The following PAK4 variants were observed in gnomAD, a reference collection of about 807,000 sequenced individuals.
PAK4 encodes the protein p21 (RAC1) activated kinase 4, also known as serine/threonine-protein kinase PAK 4.
A neutral mutation model predicts 53.5 loss-of-function variants in PAK4; 49 were observed. That is an observed-to-expected ratio of 0.92 (90% CI 0.73 to 1.16). The LOEUF (loss-of-function observed/expected upper bound fraction) is 1.16, where lower values mean the gene tolerates loss of function less well. Among genes scored for constraint, PAK4 ranks in the 50% most tolerant of loss-of-function variants. PAK4 has a pLI of 0.00. For missense variants in PAK4, 824 were observed against 850.7 expected (o/e 0.97, Z 0.39); for synonymous variants, 376 against 375.6 (o/e 1.00, Z -0.01).
At chr19:39,130,084 CGGG>C (rs2073671930) in intron 1 of PAK4, among the ~76,000 whole-genome samples, 1 of 88,714 alleles carries the variant, frequency 1.1e-5, no homozygotes, top group African/African-American at 4.2e-5. Flanking sequence ...AGGGTCAGGG[CGGG>C]ATGTGGGGGG....
At chr19:39,182,456 A>G (rs1477785361), downstream of PAK4, 1 of 152,266 alleles carries the variant, frequency 6.6e-6, no homozygotes, top group African/African-American at 2.4e-5. Flanking sequence ...ATTTAGTGAC[A>G]GAACAGAGAA....
rs1479343889 is a variant in PAK4 at position 39,169,798 on chromosome 19, C to A, written c.204+41C>A. On this transcript the variant is annotated intron_variant, in intron 2 of 8. Coordinates refer to ENST00000358301, the Ensembl canonical transcript of PAK4. ...CACCACCTCCCCCAGCCCACCCCAACCCCCGAGTGGCCCTGGCCCTCAACC... is the reference window on the plus strand; with the variant it reads ...CACCACCTCCCCCAGCCCACCCCAAACCCCGAGTGGCCCTGGCCCTCAACC... The A allele has an allele frequency of 4.3e-6, 6 of 1,397,944 alleles. No individual in the cohort carries two copies. In the Admixed American group the frequency reaches 1.0e-4, roughly 24 times the overall value. The allele number at this position is 1,397,944 out of a possible 1,614,324, so 86.6% of individuals were successfully genotyped here.
At chr19:39,177,501 C>T (rs539851370) in intron 7 of PAK4, among the ~76,000 whole-genome samples, 174 bp from the exon 9 acceptor site, 5 of 152,084 alleles carry the variant, frequency 3.3e-5, no homozygotes, top group Non-Finnish European at 4.4e-5. Context: ...TTGAGGGGCT[C>T]CCTGGAGGAC....
intron 1 of PAK4, among the ~76,000 whole-genome samples, chr19:39,159,252 A>G (rs1442972711): frequency 6.6e-6 from 1 of 152,186 alleles, no homozygotes; most frequent in Non-Finnish European, 1.5e-5. Context: ...TGCTGAGGAC[A>G]AAGCAGTGGC....
At chr19:39,159,005 A>G (rs947908999) in intron 1 of PAK4, among the ~76,000 whole-genome samples, 5 of 152,230 alleles carry the variant, frequency 3.3e-5, no homozygotes, top group Non-Finnish European at 2.9e-5. Flanking sequence ...CCCACTCGGC[A>G]CCAGTCACTG....
chr19:39,152,706 G>C (rs1419243773), intron 1 of PAK4, among the ~76,000 whole-genome samples: 1 of 152,166 alleles, frequency 6.6e-6, no homozygotes, highest in Non-Finnish European at 1.5e-5. Flanking sequence ...TACGTTTGGG[G>C]GGGTGGAAGA....
Position 39,173,473 on chromosome 19 carries a change from T to G in PAK4, c.663+97T>G, listed in dbSNP as rs2074531413. 4 of 1,326,242 alleles carry G rather than the reference T, an allele frequency of 3.0e-6. No individual in the cohort carries two copies. Among genetic ancestry groups the G allele is most frequent in the Non-Finnish European group, 4.1e-6 (4 of 976,956 alleles). The allele number at this position is 1,326,242 out of a possible 1,614,324, so 82.2% of individuals were successfully genotyped here. On this transcript the variant is annotated intron_variant, in intron 3 of 8. Transcript: ENST00000358301. The surrounding 1 kb of genome is among the most constrained non-coding windows in gnomAD (Gnocchi z 6.9). Reference sequence around the variant, plus strand: ...CGCCCCACCACCGTGCATCTCATCCTGACCACCCATGTGTCTGTCCCATCG... The same window carrying G: ...CGCCCCACCACCGTGCATCTCATCCGGACCACCCATGTGTCTGTCCCATCG...
At chr19:39,179,867 G>T (rs550094021), downstream of PAK4, 4 of 152,366 alleles carry the variant, frequency 2.6e-5, no homozygotes, top group African/African-American at 9.6e-5. Flanking sequence ...CCACGCAGGA[G>T]CCCAGAGCCG....
At chr19:39,176,567 C>T (rs1224516267) in intron 6 of PAK4, 23 bp from the exon 8 acceptor site, 2 of 1,613,432 alleles carry the variant, frequency 1.2e-6, no homozygotes, top group East Asian at 2.2e-5. Flanking sequence ...TCCTCTGACC[C>T]CACTGCCTCT....
downstream of PAK4, chr19:39,181,985 A>C (rs1213099138): frequency 1.3e-5 from 2 of 152,184 alleles, no homozygotes; most frequent in East Asian, 3.9e-4. Context: ...CCTGTGTGCC[A>C]CCCCAGCTGC....
At chr19:39,148,466 C>CTTTTTTTTTTTTTTTCTTTTTTTTTTT (rs2074040581) in intron 1 of PAK4, among the ~76,000 whole-genome samples, 1 of 56,786 alleles carries the variant, frequency 1.8e-5, no homozygotes, top group Non-Finnish European at 2.9e-5. Context: ...GTTTCTTCTG[C>CTTTTTTTTTTTTTTTCTTTTTTTTTTT]TTTTTTTTTT....
intron 1 of PAK4, among the ~76,000 whole-genome samples, chr19:39,139,604 CT>C (rs2073877838): frequency 1.3e-5 from 2 of 152,172 alleles, no homozygotes; most frequent in Non-Finnish European, 2.9e-5. Context: ...CAGAGAGGGC[CT>C]TCTGGGTACT....
At position 39,175,159 on chromosome 19, in the gene PAK4, G is replaced by A. The variant is rs2074577166; in HGVS notation, c.1232+95G>A. On this transcript the variant is annotated intron_variant, in intron 5 of 8. Coordinates refer to ENST00000358301, the Ensembl canonical transcript of PAK4. The surrounding 1 kb of genome is among the most constrained non-coding windows in gnomAD (Gnocchi z 4.7). ...ACATCTCCAAACCAGCTGTGCTCCG[G>A]GCCCCTGGGATGGGGTCGTGTCTTC... The A allele has an allele frequency of 6.6e-7, 1 of 1,519,078 alleles. No individual in the cohort carries two copies. The highest frequency in any genetic ancestry group is 2.3e-5 in the East Asian group (1 of 44,060). The allele number at this position is 1,519,078 out of a possible 1,614,324, so 94.1% of individuals were successfully genotyped here.
intron 1 of PAK4, among the ~76,000 whole-genome samples, chr19:39,127,287 C>A (rs963909615): frequency 6.6e-6 from 1 of 152,032 alleles, no homozygotes; most frequent in African/African-American, 2.4e-5. Context: ...TCCCCAGCCC[C>A]TTTACTGTTC....
intron 1 of PAK4, among the ~76,000 whole-genome samples, chr19:39,169,263 A>C (rs2074430236): frequency 6.6e-6 from 1 of 152,050 alleles, no homozygotes. Flanking sequence ...GGGTGAGAAC[A>C]GAGAGGTGAT....
At position 39,132,839 on chromosome 19, in the gene PAK4, C is replaced by A. The variant is rs982129962; in HGVS notation, c.-23+6920C>A. Among the ~76,000 whole-genome samples the A allele has an allele frequency of 2.6e-5, 4 of 152,384 alleles. No homozygotes were observed. In the East Asian group the frequency reaches 5.8e-4, roughly 22 times the overall value. The stretch of plus-strand genomic sequence containing the variant: ...ATAGACGGGTGTCACCTGACATTCT[C>A]ACCTTTGCCAGTCAGATAGGTGACA... On this transcript the variant is annotated intron_variant, in intron 1 of 8. Coordinates refer to ENST00000358301, the Ensembl canonical transcript of PAK4.
chr19:39,170,575 C>G (rs944948289), intron 2 of PAK4, among the ~76,000 whole-genome samples: 1 of 152,226 alleles, frequency 6.6e-6, no homozygotes, highest in African/African-American at 2.4e-5. Context: ...GGACTCTCTC[C>G]CATGGTCAGT....
intron 1 of PAK4, among the ~76,000 whole-genome samples, chr19:39,138,151 TA>T (rs762718038): frequency 3.3e-4 from 50 of 152,168 alleles, no homozygotes; most frequent in Non-Finnish European, 5.9e-4. Flanking sequence ...GCTAATGGGC[TA>T]ATTTTTTTTA....
intron 1 of PAK4, among the ~76,000 whole-genome samples, chr19:39,126,379 TGACA>T (rs1205372604): frequency 7.4e-6 from 1 of 134,656 alleles, no homozygotes; most frequent in East Asian, 2.3e-4. Flanking sequence ...GGTGAGAATC[TGACA>T]GCGGGGCAGC....
Sources: allele counts gnomAD v4.1 joint callset (sites outside exome capture counted in the v4.1 genomes callset), GRCh38; gene constraint gnomAD v4.1.1; non-coding constraint Gnocchi (gnomAD v3.1); transcripts MANE v1.5; gene names NCBI Gene and HGNC (gene_info 2026-07-23, HGNC 2026-07-21).